The following PARD3B variants were observed in gnomAD, a reference collection of about 807,000 sequenced individuals.
PARD3B encodes the protein partitioning defective 3 homolog B.
PARD3B carries 103 observed loss-of-function variants against 130.2 expected under a neutral mutation model. The ratio of observed to expected loss-of-function variants is 0.79; its 90% CI spans 0.67 to 0.93. The LOEUF is 0.93. Ranked by LOEUF, PARD3B falls within the 40% of genes least tolerant of loss-of-function variation. PARD3B has a pLI of 0.00. For synonymous variants in PARD3B, 583 were observed against 553.2 expected (o/e 1.05, Z -0.76); for missense variants, 1,609 against 1,499.2 (o/e 1.07, Z -1.21).
intron 1 of PARD3B, among the ~76,000 whole-genome samples, chr2:204,620,163 G>A (rs1317307266): frequency 6.6e-6 from 1 of 151,964 alleles, no homozygotes; most frequent in Non-Finnish European, 1.5e-5. Flanking sequence ...CACCATGCCC[G>A]GCTAATTTTT....
At chr2:204,643,115 CAAAAAA>C (rs71029202) in intron 1 of PARD3B, among the ~76,000 whole-genome samples, 2 of 31,826 alleles carry the variant, frequency 6.3e-5, no homozygotes, top group African/African-American at 9.8e-5. Flanking sequence ...CTCTGTCTCA[CAAAAAA>C]AAAAAAAAAA....
chr2:204,732,106 A>G (rs1375772624), intron 2 of PARD3B, among the ~76,000 whole-genome samples: 2 of 151,518 alleles, frequency 1.3e-5, no homozygotes, highest in Non-Finnish European at 2.9e-5. Context: ...TGTATAAAAA[A>G]GTGAAAGTGT....
chr2:205,071,854 C>A (rs1216448632), intron 4 of PARD3B, among the ~76,000 whole-genome samples: 1 of 152,058 alleles, frequency 6.6e-6, no homozygotes, highest in Non-Finnish European at 1.5e-5. Context: ...TCTCACATTG[C>A]TGTCTATAGA....
intron 21 of PARD3B, among the ~76,000 whole-genome samples, chr2:205,532,844 T>C (rs533657285): frequency 6.0e-4 from 91 of 152,292 alleles, no homozygotes; most frequent in African/African-American, 2.2e-3. Flanking sequence ...CAGCCCCTTC[T>C]CTGCGAATCA....
intron 20 of PARD3B, among the ~76,000 whole-genome samples, chr2:205,452,593 A>G (rs2048141546): frequency 6.6e-6 from 1 of 152,240 alleles, no homozygotes; most frequent in Non-Finnish European, 1.5e-5. Context: ...TCTTAATGAA[A>G]GAATCTCTGT....
At chr2:204,696,151 C>T (rs1047728336) in intron 2 of PARD3B, among the ~76,000 whole-genome samples, 8 of 151,668 alleles carry the variant, frequency 5.3e-5, no homozygotes, top group East Asian at 1.9e-4. Flanking sequence ...TAGGGAGTAT[C>T]GGGGGAGGTA....
At chr2:205,323,736 TA>T (rs923326068) in intron 18 of PARD3B, among the ~76,000 whole-genome samples, 135 of 152,324 alleles carry the variant, frequency 8.9e-4, no homozygotes, top group African/African-American at 3.2e-3. Context: ...TAATGAGACA[TA>T]AGAGTGTCTA....
intron 22 of PARD3B, among the ~76,000 whole-genome samples, chr2:205,556,857 AC>A (rs1241618119): frequency 6.6e-6 from 1 of 152,180 alleles, no homozygotes; most frequent in African/African-American, 2.4e-5. Context: ...GCGAACATCA[AC>A]GTATGTGTTT....
At chr2:205,391,773 C>G (rs578027358) in intron 18 of PARD3B, among the ~76,000 whole-genome samples, 2 of 152,198 alleles carry the variant, frequency 1.3e-5, no homozygotes, top group East Asian at 3.9e-4. Flanking sequence ...AAAATCATAC[C>G]TTATTAGTAT....
rs112947196 is a variant in PARD3B at position 204,853,330 on chromosome 2, G to T, written c.223-111822G>T. 8.7e-3 allele frequency among the ~76,000 whole-genome samples: 1,327 copies of T among 152,246 alleles called. 14 individuals are homozygous for T. Among genetic ancestry groups the T allele is most frequent in the Middle Eastern group, 0.044 (13 of 294 alleles). ...CTCACCTTAGGGAGTCAAGGAAGTC[G>T]TCTTGGTGGATGTCCCACTTGGGCT... On this transcript the variant is annotated intron_variant, in intron 2 of 22. Transcript: ENST00000406610.
At chr2:204,945,908 G>C (rs1689286368) in intron 2 of PARD3B, among the ~76,000 whole-genome samples, 2 of 152,084 alleles carry the variant, frequency 1.3e-5, no homozygotes, top group Admixed American at 6.6e-5. Flanking sequence ...TTTGCAAATA[G>C]TGAATTTGCA....
chr2:204,866,545 C>G (rs879703659), intron 2 of PARD3B, among the ~76,000 whole-genome samples: 3 of 151,816 alleles, frequency 2.0e-5, no homozygotes, highest in Admixed American at 1.3e-4. Flanking sequence ...TAGGTGCCAG[C>G]CCTGTTCTGG....
rs34775465 is a variant in PARD3B at position 204,885,965 on chromosome 2, AC to A, written c.223-79186del. On this transcript the variant is annotated intron_variant, in intron 2 of 22. Coordinates refer to ENST00000406610, the MANE Select transcript of PARD3B (RefSeq NM_001302769.2). ...CACCACAAGGTGGGCCACTTCTCCCACTTTTCTTTTTCTAAGTGGCATCAGC... is the reference window on the plus strand; with the variant it reads ...CACCACAAGGTGGGCCACTTCTCCCATTTTCTTTTTCTAAGTGGCATCAGC... Among the ~76,000 whole-genome samples the A allele has an allele frequency of 5.0e-3, 760 of 152,190 alleles. 8 individuals carry two copies. The highest frequency in any genetic ancestry group is 0.017 in the African/African-American group (691 of 41,516).
intron 3 of PARD3B, among the ~76,000 whole-genome samples, chr2:204,998,636 G>C (rs1023492964): frequency 6.6e-6 from 1 of 150,912 alleles, no homozygotes; most frequent in Non-Finnish European, 1.5e-5. Context: ...TGATATAAAG[G>C]AATGTTAAAT....
intron 16 of PARD3B, among the ~76,000 whole-genome samples, chr2:205,267,045 A>AT (rs994073686): frequency 6.6e-6 from 1 of 152,122 alleles, no homozygotes; most frequent in African/African-American, 2.4e-5. Flanking sequence ...ATCTGCAGTT[A>AT]TTTTTTCAGA....
chr2:205,581,227 G>A (rs963728358), intron 22 of PARD3B, among the ~76,000 whole-genome samples: 3 of 58,146 alleles, frequency 5.2e-5, no homozygotes, highest in African/African-American at 1.6e-4. Flanking sequence ...ATGTGGGGTG[G>A]GGAGATATAT....
rs1356117497 is a variant in PARD3B at position 204,610,468 on chromosome 2, G to T, written c.120+64349G>T. ...CCTCCCATGTTAAAGCGATTCTCCT[G>T]CGTCAGCCTCCCGAGTGGCTGGGAT... On this transcript the variant is annotated intron_variant, in intron 1 of 22. Transcript: ENST00000406610. The surrounding 1 kb of genome is among the most constrained non-coding windows in gnomAD (Gnocchi z 4.1). Among the ~76,000 whole-genome samples, 1 of 152,150 alleles carries T rather than the reference G, an allele frequency of 6.6e-6. No individual in the cohort carries two copies. The highest frequency in any genetic ancestry group is 1.5e-5 in the Non-Finnish European group (1 of 68,028).
chr2:205,431,813 T>C (rs1384772461), intron 19 of PARD3B, among the ~76,000 whole-genome samples: 2 of 152,168 alleles, frequency 1.3e-5, no homozygotes, highest in Admixed American at 6.5e-5. Flanking sequence ...ATTTATAATC[T>C]AACATAAATG....
intron 19 of PARD3B, among the ~76,000 whole-genome samples, chr2:205,436,851 A>G (rs964336123): frequency 3.3e-5 from 5 of 151,918 alleles, no homozygotes; most frequent in African/African-American, 7.3e-5. Context: ...AATTCTGCCT[A>G]TCAGATACAA....
Sources: gnomAD v4.1 joint callset for allele counts (sites outside exome capture counted in the v4.1 genomes callset) on GRCh38, gnomAD v4.1.1 for gene constraint, Gnocchi (gnomAD v3.1) non-coding constraint, MANE v1.5 for transcripts, NCBI Gene and HGNC (gene_info 2026-07-23, HGNC 2026-07-21) for gene names.